SLC7A1: variants seen among roughly 807,000 people sequenced by gnomAD.
SLC7A1 encodes the protein high affinity cationic amino acid transporter 1.
Under a neutral mutation model 53.9 loss-of-function variants are expected in SLC7A1, and 10 were observed. That is an observed-to-expected ratio of 0.19 (90% CI 0.11 to 0.31). The LOEUF (loss-of-function observed/expected upper bound fraction) is 0.31. Among genes scored for constraint, SLC7A1 ranks in the 10% least tolerant of loss-of-function variants. The pLI, the probability that SLC7A1 is intolerant of heterozygous loss-of-function variation, is 1.00. For synonymous variants in SLC7A1, 342 were observed against 338.7 expected (o/e 1.01, Z -0.11); for missense variants, 525 against 827.2 (o/e 0.63, Z 4.48).
intron 1 of SLC7A1, among the ~76,000 whole-genome samples, chr13:29,575,928 T>C (rs280924): frequency 0.86 from 131,506 of 152,060 alleles, 57,871 homozygotes; most frequent in Middle Eastern, 0.96. Context: ...ATCATTAATG[T>C]TTAATGTTGC....
At chr13:29,565,967 A>C (rs583804) in intron 1 of SLC7A1, among the ~76,000 whole-genome samples, 147,557 of 152,216 alleles carry the variant, frequency 0.97, 71,686 homozygotes, top group East Asian at 1. Flanking sequence ...GCAGTGAGTT[A>C]GATCATTACT....
chr13:29,590,547 C>G (rs1872067108), intron 1 of SLC7A1, among the ~76,000 whole-genome samples: 1 of 152,104 alleles, frequency 6.6e-6, no homozygotes, highest in Non-Finnish European at 1.5e-5. Context: ...CTCAGGGAGA[C>G]ATCAGGATTC....
chr13:29,529,652 G>A (rs1869061608), intron 5 of SLC7A1, among the ~76,000 whole-genome samples: 3 of 152,210 alleles, frequency 2.0e-5, no homozygotes, highest in South Asian at 4.1e-4. Flanking sequence ...GCCAGCCAAC[G>A]CGGACTGCTC....
intron 2 of SLC7A1, among the ~76,000 whole-genome samples, chr13:29,543,827 C>T (rs1189562533): frequency 6.6e-6 from 1 of 151,694 alleles, no homozygotes; most frequent in African/African-American, 2.4e-5. Context: ...ATCAGAGGTT[C>T]TGCAGGAGGA....
intron 5 of SLC7A1, among the ~76,000 whole-genome samples, chr13:29,526,877 A>G (rs754838745): frequency 5.9e-5 from 9 of 152,200 alleles, no homozygotes; most frequent in Non-Finnish European, 1.2e-4. Context: ...GGGTGAAGGC[A>G]CGTGCTGTGC....
chr13:29,543,030 G>A (rs899019143), intron 2 of SLC7A1, among the ~76,000 whole-genome samples: 4 of 152,204 alleles, frequency 2.6e-5, no homozygotes, highest in African/African-American at 9.6e-5. Flanking sequence ...CTGATCCCAT[G>A]CCTGTTATGT....
intron 1 of SLC7A1, among the ~76,000 whole-genome samples, chr13:29,584,935 T>C (rs1871818040): frequency 6.6e-6 from 1 of 152,238 alleles, no homozygotes; most frequent in Admixed American, 6.5e-5. Context: ...AGGTTCTTCG[T>C]CGCATCACGC....
At chr13:29,546,797 C>A (rs1392521426) in intron 2 of SLC7A1, among the ~76,000 whole-genome samples, 3 of 152,118 alleles carry the variant, frequency 2.0e-5, no homozygotes. Context: ...TGGGGCACAG[C>A]CCAGGAAATG....
At chr13:29,529,109 T>C (rs1869032507) in intron 5 of SLC7A1, among the ~76,000 whole-genome samples, 1 of 152,186 alleles carries the variant, frequency 6.6e-6, no homozygotes, top group East Asian at 1.9e-4. Context: ...ACCCATAAAT[T>C]TGGCATAAAT....
chr13:29,549,097 T>C (rs1057023971), intron 2 of SLC7A1, among the ~76,000 whole-genome samples: 3 of 152,248 alleles, frequency 2.0e-5, no homozygotes, highest in Admixed American at 6.5e-5. Flanking sequence ...ACTTTTCTAA[T>C]GAGGAGGCCT....
chr13:29,572,546 G>C (rs1871244625), intron 1 of SLC7A1, among the ~76,000 whole-genome samples: 1 of 152,182 alleles, frequency 6.6e-6, no homozygotes, highest in South Asian at 2.1e-4. Context: ...GGACTGGCCG[G>C]ATGCCATCAG....
chr13:29,533,283 C>T (rs1869259128), intron 3 of SLC7A1, among the ~76,000 whole-genome samples: 1 of 152,072 alleles, frequency 6.6e-6, no homozygotes, highest in Non-Finnish European at 1.5e-5. Context: ...TTACCCTTAC[C>T]ACCTGAGAGG....
At chr13:29,531,999 T>C (rs575708625) in intron 4 of SLC7A1, among the ~76,000 whole-genome samples, 1 of 152,200 alleles carries the variant, frequency 6.6e-6, no homozygotes, top group Non-Finnish European at 1.5e-5. Flanking sequence ...TTTATTAAAA[T>C]GAAATCTCAC....
intron 12 of SLC7A1, 73 bp from the exon 13 acceptor site, chr13:29,514,656 G>T: frequency 1.7e-6 from 2 of 1,190,070 alleles, no homozygotes; most frequent in South Asian, 1.3e-5. Flanking sequence ...TCAGAGCCCA[G>T]GGCGGTCCCA....
chr13:29,532,234 C>T (rs890201115), intron 4 of SLC7A1, among the ~76,000 whole-genome samples: 4 of 152,218 alleles, frequency 2.6e-5, no homozygotes, highest in East Asian at 1.9e-4. Flanking sequence ...GGCCAAGACA[C>T]GCACAAATGT....
At chr13:29,581,327 G>A (rs1225866800) in intron 1 of SLC7A1, among the ~76,000 whole-genome samples, 2 of 152,128 alleles carry the variant, frequency 1.3e-5, no homozygotes, top group African/African-American at 4.8e-5. Context: ...AAAGCCTTCC[G>A]AGAGACCCAT....
chr13:29,563,268 C>T (rs1870837433), intron 1 of SLC7A1, among the ~76,000 whole-genome samples: 1 of 152,200 alleles, frequency 6.6e-6, no homozygotes, highest in Admixed American at 6.5e-5. Context: ...AGGGCAGTTC[C>T]CTCAACAAAG....
chr13:29,544,847 T>G (rs1593557082), intron 2 of SLC7A1, among the ~76,000 whole-genome samples: 1 of 125,764 alleles, frequency 8.0e-6, no homozygotes, highest in Non-Finnish European at 1.6e-5. Context: ...GGGGCACAGG[T>G]GACATCGCAC....
intron 5 of SLC7A1, among the ~76,000 whole-genome samples, chr13:29,529,826 T>C: frequency 6.6e-6 from 1 of 152,196 alleles, no homozygotes. Flanking sequence ...TACATGGAGA[T>C]CTGACAACAA....
Sources: allele counts gnomAD v4.1 joint callset (sites outside exome capture counted in the v4.1 genomes callset), GRCh38; gene constraint gnomAD v4.1.1; transcripts MANE v1.5; gene names NCBI Gene and HGNC (gene_info 2026-07-23, HGNC 2026-07-21).